NCAM2: variants seen among roughly 807,000 people sequenced by gnomAD.
NCAM2 encodes the protein N-CAM-2.
NCAM2 carries 30 observed loss-of-function variants against 98.1 expected under a neutral mutation model. That is an observed-to-expected ratio of 0.31 (90% CI 0.23 to 0.41). The LOEUF is 0.41. Ranked by LOEUF, NCAM2 falls within the 10% of genes least tolerant of loss-of-function variation. The pLI, the probability that NCAM2 is intolerant of heterozygous loss-of-function variation, is 1.00. For synonymous variants in NCAM2, 368 were observed against 342.4 expected (o/e 1.07, Z -0.83); for missense variants, 867 against 1,005.8 (o/e 0.86, Z 1.87).
At chr21:21,147,920 G>A (rs1359789534) in intron 1 of NCAM2, among the ~76,000 whole-genome samples, 1 of 151,298 alleles carries the variant, frequency 6.6e-6, no homozygotes, top group Admixed American at 6.6e-5. Flanking sequence ...ATAACATATA[G>A]GATATATATA....
Position 21,484,139 on chromosome 21 carries a change from T to G in NCAM2, c.2077+6668T>G, listed in dbSNP as rs1296593922. Reference sequence around the variant, plus strand: ...CTTATAAATGAAAGATATTCACATATAAGGGATCAGTGACAGAATTAATTT... The same window carrying G: ...CTTATAAATGAAAGATATTCACATAGAAGGGATCAGTGACAGAATTAATTT... On this transcript the variant is annotated intron_variant, in intron 15 of 17. Transcript: ENST00000400546. 3.9e-5 allele frequency among the ~76,000 whole-genome samples: 6 copies of G among 152,082 alleles called. No individual in the cohort carries two copies. In the East Asian group the frequency reaches 1.2e-3, roughly 29 times the overall value.
intron 12 of NCAM2, among the ~76,000 whole-genome samples, chr21:21,465,612 T>C (rs940827244): frequency 6.6e-6 from 1 of 151,950 alleles, no homozygotes; most frequent in Non-Finnish European, 1.5e-5. Context: ...ATGTATATCA[T>C]TTCTGGTCAT....
intron 9 of NCAM2, among the ~76,000 whole-genome samples, chr21:21,393,322 A>G (rs1174990122): frequency 6.6e-6 from 1 of 152,112 alleles, no homozygotes; most frequent in Non-Finnish European, 1.5e-5. Context: ...CTCTTGTATC[A>G]GTACCATGCT....
In NCAM2 at chr21:21,224,924, T is replaced by C. The variant is rs1349825841; in HGVS notation, c.56-55654T>C. ...ATATATTAGAATGGCATGTATGAAATGTTGGCTCCTTTCCAAATCATACAA... is the reference window on the plus strand; with the variant it reads ...ATATATTAGAATGGCATGTATGAAACGTTGGCTCCTTTCCAAATCATACAA... On this transcript the variant is annotated intron_variant, in intron 1 of 17. Transcript: ENST00000400546. Among the ~76,000 whole-genome samples, 4 of 152,166 alleles carry C rather than the reference T, an allele frequency of 2.6e-5. No individual in the cohort carries two copies. In the South Asian group the frequency reaches 6.2e-4, roughly 24 times the overall value.
At chr21:21,283,390 G>A (rs1196079284) in intron 2 of NCAM2, among the ~76,000 whole-genome samples, 1 of 151,768 alleles carries the variant, frequency 6.6e-6, no homozygotes, top group African/African-American at 2.4e-5. Context: ...CATCCTTTTG[G>A]TGACTAAAAG....
At chr21:21,259,126 C>G (rs986707333) in intron 1 of NCAM2, among the ~76,000 whole-genome samples, 2 of 152,072 alleles carry the variant, frequency 1.3e-5, no homozygotes, top group African/African-American at 4.8e-5. Context: ...TCCACTCCCC[C>G]TGAAAATGAG....
chr21:21,492,065 T>C (rs1019180987), intron 15 of NCAM2, among the ~76,000 whole-genome samples: 2 of 151,750 alleles, frequency 1.3e-5, no homozygotes, highest in Admixed American at 1.3e-4. Flanking sequence ...ATTGTTCTAC[T>C]ATTCTGGGCC....
At chr21:21,148,953 C>A (rs2146694113) in intron 1 of NCAM2, among the ~76,000 whole-genome samples, 1 of 152,216 alleles carries the variant, frequency 6.6e-6, no homozygotes, top group Non-Finnish European at 1.5e-5. Flanking sequence ...GAATATCCAG[C>A]TCTTTCAATG....
At chr21:21,529,529 T>C (rs1989508095) in intron 16 of NCAM2, among the ~76,000 whole-genome samples, 1 of 152,052 alleles carries the variant, frequency 6.6e-6, no homozygotes, top group African/African-American at 2.4e-5. Flanking sequence ...CTTACAGCCA[T>C]ATTTGTATTT....
chr21:21,015,770 C>T (rs1438192006), intron 1 of NCAM2, among the ~76,000 whole-genome samples: 1 of 152,170 alleles, frequency 6.6e-6, no homozygotes, highest in Admixed American at 6.5e-5. Flanking sequence ...ATGGCACGAT[C>T]TCGGCTCACT....
chr21:21,158,612 CA>C (rs34097159), intron 1 of NCAM2, among the ~76,000 whole-genome samples: 15 of 144,262 alleles, frequency 1.0e-4, no homozygotes, highest in African/African-American at 1.0e-4. Flanking sequence ...CCCGCCCCCG[CA>C]AAAAAAAAAA....
chr21:21,005,535 A>G (rs1033505320), intron 1 of NCAM2, among the ~76,000 whole-genome samples: 19 of 152,084 alleles, frequency 1.2e-4, no homozygotes, highest in African/African-American at 4.6e-4. Flanking sequence ...TTGAAAATGG[A>G]AACTGTTGAT....
intron 8 of NCAM2, among the ~76,000 whole-genome samples, chr21:21,358,564 T>C (rs777658224): frequency 6.6e-6 from 1 of 152,078 alleles, no homozygotes; most frequent in Non-Finnish European, 1.5e-5. Flanking sequence ...TGATATTAAA[T>C]ACAACTACAT....
At chr21:21,008,922 C>T (rs1459359184) in intron 1 of NCAM2, among the ~76,000 whole-genome samples, 2 of 152,140 alleles carry the variant, frequency 1.3e-5, no homozygotes, top group East Asian at 1.9e-4. Context: ...TTGTATCAGT[C>T]ATTGTTAAAG....
chr21:21,099,401 T>C (rs1271143416), intron 1 of NCAM2, among the ~76,000 whole-genome samples: 1 of 151,846 alleles, frequency 6.6e-6, no homozygotes, highest in Admixed American at 6.6e-5. Flanking sequence ...AGAGGTTTAA[T>C]TGGCTCACAG....
intron 1 of NCAM2, among the ~76,000 whole-genome samples, chr21:21,216,268 A>G (rs2069896127): frequency 6.6e-6 from 1 of 152,206 alleles, no homozygotes; most frequent in Non-Finnish European, 1.5e-5. Context: ...AACAAAAAAC[A>G]GAAGTAGAAA....
At chr21:21,020,361 G>A (rs531063191) in intron 1 of NCAM2, among the ~76,000 whole-genome samples, 23 of 152,134 alleles carry the variant, frequency 1.5e-4, no homozygotes, top group Non-Finnish European at 1.0e-4. Context: ...TCCCTCTCAG[G>A]GCTGTCCTCC....
rs232400 is a variant in NCAM2 at position 21,431,343 on chromosome 21, G to T, written c.1481-765G>T. On this transcript the variant is annotated intron_variant, in intron 11 of 17. Coordinates refer to ENST00000400546, the MANE Select transcript of NCAM2 (RefSeq NM_004540.5). ...GGATTTTTTTTTTTTCTAGTTCTGC[G>T]TGCTCTGCCTTTGAGATAATTCTTC... Among the ~76,000 whole-genome samples, 1,083 of 147,490 alleles carry T rather than the reference G, an allele frequency of 7.3e-3. 14 individuals are homozygous for T. The highest frequency in any genetic ancestry group is 0.025 in the African/African-American group (997 of 39,986).
At chr21:21,193,760 C>G (rs1415047809) in intron 1 of NCAM2, among the ~76,000 whole-genome samples, 3 of 152,060 alleles carry the variant, frequency 2.0e-5, no homozygotes, top group Non-Finnish European at 4.4e-5. Flanking sequence ...TCCCAAAGTG[C>G]TGGGATTACA....
Sources: gnomAD v4.1 joint callset for allele counts (sites outside exome capture counted in the v4.1 genomes callset) on GRCh38, gnomAD v4.1.1 for gene constraint, MANE v1.5 for transcripts, NCBI Gene and HGNC (gene_info 2026-07-23, HGNC 2026-07-21) for gene names.